Variants in PRKAG2 observed in about 807,000 individuals in gnomAD.
PRKAG2 encodes the protein protein kinase AMP-activated non-catalytic subunit gamma 2, also known as 5'-AMP-activated protein kinase subunit gamma-2.
A neutral mutation model predicts 69.6 loss-of-function variants in PRKAG2; 26 were observed. That is an observed-to-expected ratio of 0.37 (90% CI 0.27 to 0.52). The LOEUF (loss-of-function observed/expected upper bound fraction) is 0.52. Ranked by LOEUF, PRKAG2 falls within the 20% of genes least tolerant of loss-of-function variation. The pLI is 0.90. For missense variants in PRKAG2, 557 were observed against 740.0 expected, an observed-to-expected ratio of 0.75 and a Z score of 2.87; for synonymous variants, 293 against 285.0, an observed-to-expected ratio of 1.03 and a Z score of -0.28.
intron 1 of PRKAG2, among the ~76,000 whole-genome samples, chr7:151,805,087 T>A (rs2078035618): frequency 6.6e-6 from 1 of 152,170 alleles, no homozygotes; most frequent in Non-Finnish European, 1.5e-5. Flanking sequence ...AGTGGGCGAA[T>A]CTGTTCCTCC....
chr7:151,867,483 C>T (rs961103413), intron 1 of PRKAG2, among the ~76,000 whole-genome samples: 2 of 152,202 alleles, frequency 1.3e-5, no homozygotes, highest in African/African-American at 4.8e-5. Context: ...CACAGGCCTT[C>T]TTGCCTGTGC....
Position 151,675,600 on chromosome 7 carries a change from T to G in PRKAG2, c.504A>C (p.Gln168His), listed in dbSNP as rs2151477345. ...GGGGAAACGTGTGCTGCTTGGTCAC[T>G]TGGGTGGGTGTTGACGGAGAGGAGG... Reference protein sequence around the residue: ...GLSSSPSTPTQVTKQHTFPLE... With the variant: ...GLSSSPSTPTHVTKQHTFPLE... Residue 168 changes from glutamine to histidine, a missense_variant, in exon 4 of 16, where the codon CAA (glutamine) becomes CAC (histidine). Physicochemically the swap from Gln to His is conservative, Grantham distance 24 (BLOSUM62 0). Coordinates refer to ENST00000287878, the MANE Select transcript of PRKAG2 (RefSeq NM_016203.4). The G allele has an allele frequency of 1.2e-6, 2 of 1,614,052 alleles. No individual in the cohort carries two copies. Among genetic ancestry groups the G allele is most frequent in the Non-Finnish European group, 1.7e-6 (2 of 1,179,956 alleles).
Position 151,814,673 on chromosome 7 carries a change from T to C in PRKAG2, c.115-28132A>G. 8.1e-7 allele frequency: 1 copy of C among 1,231,790 alleles called. No homozygotes were observed. The highest frequency in any genetic ancestry group is 1.0e-6 in the Non-Finnish European group (1 of 988,004). 76.3% of individuals were successfully genotyped at this position (1,231,790 alleles called of 1,614,324 possible). A position where few individuals can be genotyped will look rare whatever the true frequency, so the allele number is the denominator to read the frequency against. On this transcript the variant is annotated intron_variant, in intron 1 of 15. Coordinates refer to ENST00000287878, the MANE Select transcript of PRKAG2 (RefSeq NM_016203.4). The surrounding 1 kb of genome is among the most constrained non-coding windows in gnomAD (Gnocchi z 4.8). ...AACAGATGGGGACCGGGGCTGGGTG[T>C]GTTCCCAGTCCCCAAGGCAGCGCAA...
At chr7:151,697,395 G>A (rs919458537) in intron 3 of PRKAG2, among the ~76,000 whole-genome samples, 20 of 152,094 alleles carry the variant, frequency 1.3e-4, no homozygotes, top group African/African-American at 4.3e-4. Flanking sequence ...AGAGTGGGCC[G>A]AGCCCGGGAG....
chr7:151,812,801 T>C (rs1367271477), intron 1 of PRKAG2, among the ~76,000 whole-genome samples: 1 of 152,126 alleles, frequency 6.6e-6, no homozygotes, highest in Non-Finnish European at 1.5e-5. Flanking sequence ...TCTTTCCAGC[T>C]GAATCCCTTT....
chr7:151,710,136 A>G (rs940151605), intron 3 of PRKAG2, among the ~76,000 whole-genome samples: 3 of 152,098 alleles, frequency 2.0e-5, no homozygotes, highest in African/African-American at 7.2e-5. Flanking sequence ...GGCCTTTGGG[A>G]GCCGCCTCTC....
chr7:151,711,219 G>A (rs907629918), intron 3 of PRKAG2, among the ~76,000 whole-genome samples: 1 of 151,902 alleles, frequency 6.6e-6, no homozygotes, highest in Non-Finnish European at 1.5e-5. Flanking sequence ...GATCAACAGT[G>A]CTAGGCTTAA....
At chr7:151,689,484 G>A (rs893562538) in intron 3 of PRKAG2, among the ~76,000 whole-genome samples, 4 of 152,198 alleles carry the variant, frequency 2.6e-5, no homozygotes, top group East Asian at 1.9e-4. Context: ...TGTGGGCCAC[G>A]TGGGGTATGG....
At chr7:151,735,888 G>T in intron 3 of PRKAG2, 1 of 1,536,250 alleles carries the variant, frequency 6.5e-7, no homozygotes, top group Non-Finnish European at 8.7e-7. Flanking sequence ...TCGGGAATGG[G>T]CAGAGTCCTA....
chr7:151,869,172 T>C (rs1024362275), intron 1 of PRKAG2, among the ~76,000 whole-genome samples: 2 of 152,198 alleles, frequency 1.3e-5, no homozygotes. Context: ...TGTGAAAAGA[T>C]GCAATATCGA....
At position 151,835,027 on chromosome 7, in the gene PRKAG2, T is replaced by C. The variant is rs1445538657; in HGVS notation, c.114+41480A>G. Among the ~76,000 whole-genome samples the C allele has an allele frequency of 6.6e-6, 1 of 152,124 alleles. No individual in the cohort carries two copies. Among genetic ancestry groups the C allele is most frequent in the Non-Finnish European group, 1.5e-5 (1 of 68,026 alleles). ...GGCATATCTGTGTCCAGAATCCCCC[T>C]CATACGCAGATGCCAGCCATGTGGA... On this transcript the variant is annotated intron_variant, in intron 1 of 15. Coordinates refer to ENST00000287878, the MANE Select transcript of PRKAG2 (RefSeq NM_016203.4). This position sits in a 1 kb window ranked among gnomAD's most constrained non-coding sequence, Gnocchi z 4.1.
At chr7:151,762,887 G>A (rs1422823515) in intron 3 of PRKAG2, among the ~76,000 whole-genome samples, 6 of 152,204 alleles carry the variant, frequency 3.9e-5, no homozygotes, top group Non-Finnish European at 5.9e-5. Context: ...TGGGATAAGG[G>A]CAGGTCTGTG....
rs1023590174 is a variant in PRKAG2 at position 151,777,732 on chromosome 7, A to G, written c.466+3420T>C. ...TACCTGGGCGGAGGCCAAGCTAACA[A>G]AGGGAGGAATTTAGTTTATAGTTTA... On this transcript the variant is annotated intron_variant, in intron 3 of 15. Transcript: ENST00000287878. This position sits in a 1 kb window ranked among gnomAD's most constrained non-coding sequence, Gnocchi z 4.3. Among the ~76,000 whole-genome samples, 5 of 152,192 alleles carry G rather than the reference A, an allele frequency of 3.3e-5. No homozygotes were observed. The highest frequency in any genetic ancestry group is 1.3e-4 in the Admixed American group (2 of 15,286).
chr7:151,867,717 G>A (rs921579126), intron 1 of PRKAG2, among the ~76,000 whole-genome samples: 1 of 152,144 alleles, frequency 6.6e-6, no homozygotes, highest in Admixed American at 6.5e-5. Context: ...TCGACACCCA[G>A]CCCAGTCCCT....
chr7:151,728,038 C>A lies in PRKAG2; in HGVS notation c.467-52401G>T, dbSNP rs1184045294. ...CACTGCGCTGCTCAGCTCCGGGGGC[C>A]CGTCCTCCGTGGATCCCTCCAGGCC... On this transcript the variant is annotated intron_variant, in intron 3 of 15. Coordinates refer to ENST00000287878, the MANE Select transcript of PRKAG2 (RefSeq NM_016203.4). Among the ~76,000 whole-genome samples, 3 of 152,152 alleles carry A rather than the reference C, an allele frequency of 2.0e-5. No individual in the cohort carries two copies. In the East Asian group the frequency reaches 5.8e-4, roughly 29 times the overall value.
chr7:151,765,172 A>C (rs1344503682), intron 3 of PRKAG2, among the ~76,000 whole-genome samples: 1 of 152,108 alleles, frequency 6.6e-6, no homozygotes, highest in Non-Finnish European at 1.5e-5. Flanking sequence ...AAAAAAGTTT[A>C]ATTGACTCAC....
chr7:151,830,458 C>G (rs572273477), intron 1 of PRKAG2, among the ~76,000 whole-genome samples: 48 of 152,096 alleles, frequency 3.2e-4, no homozygotes, highest in African/African-American at 9.4e-4. Flanking sequence ...TCTGAGCAGG[C>G]TGCACCTGGC....
chr7:151,577,060 T>C (rs1809124316), intron 6 of PRKAG2, among the ~76,000 whole-genome samples: 1 of 152,182 alleles, frequency 6.6e-6, no homozygotes, highest in South Asian at 2.1e-4. Flanking sequence ...ACAAAAGAAT[T>C]AAACTTCAGG....
chr7:151,825,106 C>G (rs2078878647), intron 1 of PRKAG2, among the ~76,000 whole-genome samples: 1 of 152,068 alleles, frequency 6.6e-6, no homozygotes, highest in South Asian at 2.1e-4. Flanking sequence ...CTCAGCTACT[C>G]AGGAGGCTGA....
Sources: allele counts gnomAD v4.1 joint callset (sites outside exome capture counted in the v4.1 genomes callset), GRCh38; gene constraint gnomAD v4.1.1; non-coding constraint Gnocchi (gnomAD v3.1); transcripts MANE v1.5; gene names NCBI Gene and HGNC (gene_info 2026-07-23, HGNC 2026-07-21).